LARGE1: variants seen among roughly 807,000 people sequenced by gnomAD.
The protein encoded by LARGE1 is LARGE xylosyl- and glucuronyltransferase 1.
A neutral mutation model predicts 87.6 loss-of-function variants in LARGE1; 43 were observed. That is an observed-to-expected ratio of 0.49 (90% CI 0.38 to 0.63). LARGE1 has a LOEUF of 0.63. Ranked by LOEUF, LARGE1 falls within the 30% of genes least tolerant of loss-of-function variation. LARGE1 has a pLI of 0.00. For missense variants in LARGE1, 802 were observed against 1,000.2 expected (o/e 0.80, Z 2.67); for synonymous variants, 434 against 394.6 (o/e 1.10, Z -1.18).
chr22:33,261,104 C>G (rs1348227323), intron 11 of LARGE1, among the ~76,000 whole-genome samples: 1 of 152,190 alleles, frequency 6.6e-6, no homozygotes, highest in African/African-American at 2.4e-5. Context: ...ATGCGTGTAC[C>G]AGCACCCCTT....
At chr22:33,802,955 G>A (rs1178426346) in intron 1 of LARGE1, among the ~76,000 whole-genome samples, 1 of 152,198 alleles carries the variant, frequency 6.6e-6, no homozygotes, top group African/African-American at 2.4e-5. Flanking sequence ...AGGCTGGACA[G>A]ATAGATGGGT....
intron 4 of LARGE1, among the ~76,000 whole-genome samples, chr22:33,620,479 A>T (rs1479713371): frequency 1.3e-5 from 2 of 152,144 alleles, no homozygotes; most frequent in Non-Finnish European, 2.9e-5. Flanking sequence ...CGTCTAGGTG[A>T]TACAGACGTG....
intron 11 of LARGE1, among the ~76,000 whole-genome samples, chr22:33,245,006 G>C (rs7289690): frequency 0.21 from 31,820 of 152,042 alleles, 3,692 homozygotes; most frequent in African/African-American, 0.32. Context: ...CTCAACATAA[G>C]CTCCATCAAG....
intron 7 of LARGE1, among the ~76,000 whole-genome samples, chr22:33,429,452 G>A (rs576630738): frequency 6.6e-6 from 1 of 152,272 alleles, no homozygotes; most frequent in South Asian, 2.1e-4. Flanking sequence ...ACGTGCTCCT[G>A]TGTCTCCTGA....
chr22:33,369,949 A>G (rs934208536), intron 9 of LARGE1, among the ~76,000 whole-genome samples: 3 of 150,458 alleles, frequency 2.0e-5, no homozygotes, highest in Non-Finnish European at 2.9e-5. Flanking sequence ...AAAAAAAAAA[A>G]GTCTTAAAGG....
At chr22:33,216,608 A>G (rs34269676) in intron 11 of LARGE1, among the ~76,000 whole-genome samples, 32,381 of 150,168 alleles carry the variant, frequency 0.22, 4,733 homozygotes, top group Non-Finnish European at 0.32. Context: ...AAAAAAAAAA[A>G]AAAAGAAAAG....
At chr22:33,096,401 C>G in the LARGE1 span, among the ~76,000 whole-genome samples, 1 of 144,302 alleles carries the variant, frequency 6.9e-6, no homozygotes, top group Admixed American at 6.9e-5. Flanking sequence ...GGCGACAAGA[C>G]CTAAACTCCA....
intron 1 of LARGE1, among the ~76,000 whole-genome samples, chr22:33,770,417 C>T (rs1032444018): frequency 6.6e-6 from 1 of 152,200 alleles, no homozygotes; most frequent in Non-Finnish European, 1.5e-5. Context: ...TGCAGTGGCT[C>T]ATGCCTATAA....
intron 1 of LARGE1, among the ~76,000 whole-genome samples, chr22:33,818,274 G>A (rs746438494): frequency 2.6e-5 from 4 of 152,136 alleles, no homozygotes; most frequent in East Asian, 1.9e-4. Context: ...CGAAATCATC[G>A]TATTTGCTTA....
chr22:33,121,123 G>C, the LARGE1 span, among the ~76,000 whole-genome samples: 1 of 152,158 alleles, frequency 6.6e-6, no homozygotes, highest in African/African-American at 2.4e-5. Flanking sequence ...AGGACCCCCT[G>C]TATTTGGTTG....
intron 6 of LARGE1, among the ~76,000 whole-genome samples, chr22:33,443,906 C>T (rs537491644): frequency 6.6e-6 from 1 of 152,366 alleles, no homozygotes; most frequent in Non-Finnish European, 1.5e-5. Context: ...ACGAGGCCTC[C>T]ACGAGGCGGC....
chr22:33,302,621 A>AGG (rs1934313804), intron 12 of LARGE1, among the ~76,000 whole-genome samples: 1 of 152,200 alleles, frequency 6.6e-6, no homozygotes, highest in Non-Finnish European at 1.5e-5. Context: ...AGAGAAAGAG[A>AGG]CAGAGGCAGT....
At chr22:33,593,994 C>T (rs575215696) in intron 5 of LARGE1, among the ~76,000 whole-genome samples, 6 of 152,120 alleles carry the variant, frequency 3.9e-5, no homozygotes, top group Admixed American at 3.3e-4. Context: ...AGTTTCCTCG[C>T]CAGGAAATGG....
chr22:33,559,402 A>C (rs2077788485), intron 6 of LARGE1, among the ~76,000 whole-genome samples: 1 of 152,150 alleles, frequency 6.6e-6, no homozygotes, highest in African/African-American at 2.4e-5. Flanking sequence ...GGCTGGTCTC[A>C]AACTCCTGAC....
intron 1 of LARGE1, among the ~76,000 whole-genome samples, chr22:33,778,384 G>A (rs915402330): frequency 2.0e-5 from 3 of 152,104 alleles, no homozygotes; most frequent in Non-Finnish European, 4.4e-5. Context: ...TACAATTCAT[G>A]GCATTTAGTA....
intron 11 of LARGE1, among the ~76,000 whole-genome samples, chr22:33,203,326 A>G (rs993930172): frequency 4.6e-5 from 7 of 152,304 alleles, no homozygotes; most frequent in African/African-American, 1.7e-4. Context: ...AGCCTCGTGC[A>G]GGATAATTCG....
At chr22:33,663,296 A>G (rs1455453545) in intron 2 of LARGE1, among the ~76,000 whole-genome samples, 1 of 152,198 alleles carries the variant, frequency 6.6e-6, no homozygotes, top group Non-Finnish European at 1.5e-5. Context: ...TATTAAGGTC[A>G]AAACCCGCCA....
intron 6 of LARGE1, among the ~76,000 whole-genome samples, chr22:33,540,646 C>T (rs1299757445): frequency 3.3e-5 from 5 of 152,162 alleles, no homozygotes; most frequent in Admixed American, 6.5e-5. Flanking sequence ...AATCTCAACC[C>T]TGGCCACACT....
At chr22:33,841,936 C>T (rs1273300551) in intron 1 of LARGE1, among the ~76,000 whole-genome samples, 2 of 152,162 alleles carry the variant, frequency 1.3e-5, no homozygotes, top group East Asian at 3.9e-4. Flanking sequence ...TTAAAGCACA[C>T]GGGTGAATCA....
Sources: allele counts gnomAD v4.1 joint callset (sites outside exome capture counted in the v4.1 genomes callset), GRCh38; gene constraint gnomAD v4.1.1; transcripts MANE v1.5; gene names NCBI Gene and HGNC (gene_info 2026-07-23, HGNC 2026-07-21).